DSCAM: variants seen among roughly 807,000 people sequenced by gnomAD.
The protein encoded by DSCAM is cell adhesion molecule DSCAM.
A neutral mutation model predicts 217.7 loss-of-function variants in DSCAM; 47 were observed. The observed-to-expected ratio is 0.22, with a 90% CI of 0.17 to 0.28. The LOEUF is 0.28. DSCAM is among the 10% of genes least tolerant of loss of function. The pLI, the probability that DSCAM is intolerant of heterozygous loss-of-function variation, is 1.00. For synonymous variants in DSCAM, 1,056 were observed against 1,015.3 expected (o/e 1.04, Z -0.76); for missense variants, 2,080 against 2,618.3 (o/e 0.79, Z 4.49).
chr21:40,832,084 T>C (rs966745311), intron 1 of DSCAM, among the ~76,000 whole-genome samples: 2 of 152,180 alleles, frequency 1.3e-5, no homozygotes, highest in African/African-American at 2.4e-5. Flanking sequence ...AACCCTGGTT[T>C]TGCAATCTGT....
At chr21:40,521,293 A>T (rs115192917) in intron 3 of DSCAM, among the ~76,000 whole-genome samples, 2,489 of 152,308 alleles carry the variant, frequency 0.016, 67 homozygotes, top group African/African-American at 0.057. Context: ...GTACTGGATC[A>T]TATGGTAGGT....
At chr21:40,015,848 C>T (rs1429250029) in intron 32 of DSCAM, among the ~76,000 whole-genome samples, 1 of 152,230 alleles carries the variant, frequency 6.6e-6, no homozygotes, top group Non-Finnish European at 1.5e-5. Flanking sequence ...ACTTTGCAAC[C>T]AACACTGCCT....
In DSCAM at chr21:40,719,638, A is replaced by T. The variant is rs369594788; in HGVS notation, c.44-10867T>A. ...ACTGATAACAATGAACAATCTGCACATAAAATATTATAAATCACACAACTA... is the reference window on the plus strand; with the variant it reads ...ACTGATAACAATGAACAATCTGCACTTAAAATATTATAAATCACACAACTA... On this transcript the variant is annotated intron_variant, in intron 1 of 32. Coordinates refer to ENST00000400454, the MANE Select transcript of DSCAM (RefSeq NM_001389.5). 4.6e-5 allele frequency among the ~76,000 whole-genome samples: 7 copies of T among 152,254 alleles called. No homozygotes were observed. In the East Asian group the frequency reaches 9.6e-4, roughly 21 times the overall value.
At chr21:40,713,356 G>A (rs1051684971) in intron 1 of DSCAM, among the ~76,000 whole-genome samples, 3 of 152,190 alleles carry the variant, frequency 2.0e-5, no homozygotes, top group African/African-American at 7.2e-5. Context: ...AGGGCATTGA[G>A]ACGTGTGTTG....
intron 8 of DSCAM, among the ~76,000 whole-genome samples, chr21:40,320,333 T>C (rs1229004666): frequency 6.6e-6 from 1 of 152,226 alleles, no homozygotes; most frequent in Non-Finnish European, 1.5e-5. Context: ...ATAATGCATA[T>C]TGTTTTTCCT....
intron 3 of DSCAM, among the ~76,000 whole-genome samples, chr21:40,679,077 C>A (rs1008878753): frequency 3.9e-5 from 6 of 152,130 alleles, no homozygotes; most frequent in African/African-American, 1.2e-4. Flanking sequence ...CTATGAAATC[C>A]CAGGCTGCCC....
rs374520592 is a variant in DSCAM, at chr21:40,806,508, A to G, written c.43+40111T>C. Among the ~76,000 whole-genome samples, 97 of 152,372 alleles carry G rather than the reference A, an allele frequency of 6.4e-4. 1 individual carries two copies. The highest frequency in any genetic ancestry group is 2.2e-3 in the African/African-American group (93 of 41,590). ...TGAATGACCTTGGGTAAAAAGTCAC[A>G]TAATTTATTTCCAAATCCTAGAGGT... On this transcript the variant is annotated intron_variant, in intron 1 of 32. Transcript: ENST00000400454.
intron 3 of DSCAM, among the ~76,000 whole-genome samples, chr21:40,537,600 G>A (rs558361944): frequency 3.3e-4 from 50 of 152,062 alleles, no homozygotes; most frequent in Non-Finnish European, 6.6e-4. Flanking sequence ...TTATAGTAGA[G>A]TAGGACGGGT....
chr21:40,063,010 A>C lies in DSCAM; in HGVS notation c.4889-111T>G, dbSNP rs937967885. ...ATCAGAACAGTCATTTTGAAACACA[A>C]TCATATACCCAGCTCACTACTAATG... On this transcript the variant is annotated intron_variant, in intron 27 of 32. Coordinates refer to ENST00000400454, the MANE Select transcript of DSCAM (RefSeq NM_001389.5). The C allele has an allele frequency of 4.0e-5, 36 of 894,236 alleles. No individual in the cohort carries two copies. In the African/African-American group the frequency reaches 5.1e-4, roughly 13 times the overall value. 55.4% of individuals were successfully genotyped at this position (894,236 alleles called of 1,614,324 possible). A position where few individuals can be genotyped will look rare whatever the true frequency, so the allele number is the denominator to read the frequency against.
At chr21:40,126,109 G>A (rs944183375) in intron 19 of DSCAM, among the ~76,000 whole-genome samples, 3 of 152,134 alleles carry the variant, frequency 2.0e-5, no homozygotes, top group Admixed American at 2.0e-4. Flanking sequence ...TGAAATTCAA[G>A]TGCAAGAGAA....
intron 27 of DSCAM, among the ~76,000 whole-genome samples, chr21:40,068,404 A>G (rs2089242109): frequency 6.6e-6 from 1 of 152,150 alleles, no homozygotes; most frequent in Non-Finnish European, 1.5e-5. Context: ...AAGATATGCA[A>G]GCTAGAAGGA....
At chr21:40,471,746 T>G (rs1432306124) in intron 3 of DSCAM, among the ~76,000 whole-genome samples, 1 of 152,180 alleles carries the variant, frequency 6.6e-6, no homozygotes, top group Non-Finnish European at 1.5e-5. Flanking sequence ...ATTTTATCAG[T>G]GGGGACAGCA....
chr21:40,752,126 C>T (rs1284589865), intron 1 of DSCAM, among the ~76,000 whole-genome samples: 1 of 152,220 alleles, frequency 6.6e-6, no homozygotes, highest in Admixed American at 6.5e-5. Context: ...GCACTTTGTA[C>T]ATGGTAATAA....
At chr21:40,267,173 T>C (rs967033359) in intron 11 of DSCAM, among the ~76,000 whole-genome samples, 8 of 146,104 alleles carry the variant, frequency 5.5e-5, no homozygotes, top group African/African-American at 1.8e-4. Context: ...CCTAAAGCTA[T>C]TGAAATAGAA....
intron 3 of DSCAM, among the ~76,000 whole-genome samples, chr21:40,468,676 G>C (rs2075864285): frequency 6.6e-6 from 1 of 152,076 alleles, no homozygotes; most frequent in East Asian, 1.9e-4. Flanking sequence ...GAAGCATCTC[G>C]ATAGCCTAAG....
At chr21:40,364,256 T>C (rs1219425786) in intron 4 of DSCAM, among the ~76,000 whole-genome samples, 1 of 152,050 alleles carries the variant, frequency 6.6e-6, no homozygotes, top group East Asian at 1.9e-4. Context: ...TTATTCACAA[T>C]AGCAAAGACT....
chr21:40,243,606 C>T (rs1019674752), intron 11 of DSCAM, among the ~76,000 whole-genome samples: 3 of 152,126 alleles, frequency 2.0e-5, no homozygotes, highest in Admixed American at 1.3e-4. Flanking sequence ...TGTGACTGCA[C>T]CGTTTGCTCC....
chr21:40,218,788 T>C (rs1429923343), intron 11 of DSCAM, among the ~76,000 whole-genome samples: 2 of 152,188 alleles, frequency 1.3e-5, no homozygotes, highest in Non-Finnish European at 2.9e-5. Flanking sequence ...TGGCTCTTAG[T>C]TTGGCTGTTG....
chr21:40,267,896 C>CAA (rs112636145), intron 11 of DSCAM, among the ~76,000 whole-genome samples: 3,587 of 151,182 alleles, frequency 0.024, 141 homozygotes, highest in African/African-American at 0.083. Flanking sequence ...AACTCCACCT[C>CAA]AAAAAAAGAA....
Sources: gnomAD v4.1 joint callset for allele counts (sites outside exome capture counted in the v4.1 genomes callset) on GRCh38, gnomAD v4.1.1 for gene constraint, MANE v1.5 for transcripts, NCBI Gene and HGNC (gene_info 2026-07-23, HGNC 2026-07-21) for gene names.